The following DHRSX variants were observed in gnomAD, a reference collection of about 807,000 sequenced individuals.
The protein encoded by DHRSX is polyprenol dehydrogenase.
Under a neutral mutation model 34.0 loss-of-function variants are expected in DHRSX, and 31 were observed. That is an observed-to-expected ratio of 0.91 (90% CI 0.69 to 1.23). DHRSX has a LOEUF of 1.23. DHRSX is among the 50% of genes most tolerant of loss of function. The probability of loss-of-function intolerance (pLI) is 0.00; values close to 1 mark genes in which losing one functional copy is unlikely to be tolerated. For synonymous variants in DHRSX, 201 were observed against 183.8 expected (o/e 1.09, Z -0.76); for missense variants, 414 against 428.1 (o/e 0.97, Z 0.29).
At chrX:2,467,123 T>C (rs1280488343) in intron 1 of DHRSX, among the ~76,000 whole-genome samples, 1 of 151,466 alleles carries the variant, frequency 6.6e-6, no homozygotes, top group Non-Finnish European at 1.5e-5. Context: ...GAACATTTTA[T>C]TGAAATTTTT....
At chrX:2,296,910 CCCCAGGCAGATAGGAATAGGA>C (rs1253346578) in intron 3 of DHRSX, among the ~76,000 whole-genome samples, 17 of 44,550 alleles carry the variant, frequency 3.8e-4, no homozygotes, top group South Asian at 1.0e-3. Flanking sequence ...GGCAGATAGA[CCCCAGGCAGATAGGAATAGGA>C]CCCAGGCAGA....
At chrX:2,265,642 A>C (rs1354525833) in intron 5 of DHRSX, among the ~76,000 whole-genome samples, 1 of 117,420 alleles carries the variant, frequency 8.5e-6, no homozygotes, top group Non-Finnish European at 1.9e-5. Flanking sequence ...ACCAGTGTAC[A>C]GCAGACGCAG....
At chrX:2,248,592 G>A (rs1476609347) in intron 5 of DHRSX, among the ~76,000 whole-genome samples, 6 of 121,504 alleles carry the variant, frequency 4.9e-5, no homozygotes, top group South Asian at 2.6e-4. Context: ...CAGCCAGGGC[G>A]ACAAGAGCAA....
rs768805872 is a variant in DHRSX at position 2,371,608 on chromosome X, TTC to T, written c.286+37135_286+37136del. ...CTCCTCCCATTAGCAGAGTCCCTCC[TTC>T]TGTTACCAGTCCTTCCTCCTCCCGT... On this transcript the variant is annotated intron_variant, in intron 3 of 6. Coordinates refer to ENST00000334651, the MANE Select transcript of DHRSX (RefSeq NM_145177.3). Among the ~76,000 whole-genome samples, 277 of 149,546 alleles carry T rather than the reference TTC, an allele frequency of 1.9e-3. 1 individual carries two copies. The highest frequency in any genetic ancestry group is 6.4e-3 in the African/African-American group (260 of 40,374).
rs145116165 is a variant in DHRSX, at chrX:2,287,918, G to C, written c.388+3584C>G. ...CACAACCTATTCCCAATTTGGAAGA[G>C]TAATAACTCAAAAGATGAAAAAATG... On this transcript the variant is annotated intron_variant, in intron 4 of 6. Transcript: ENST00000334651. 7.5e-3 allele frequency among the ~76,000 whole-genome samples: 1,145 copies of C among 152,246 alleles called. 8 individuals carry two copies. The highest frequency in any genetic ancestry group is 0.026 in the African/African-American group (1,090 of 41,534).
intron 3 of DHRSX, among the ~76,000 whole-genome samples, chrX:2,315,266 T>C (rs1233836170): frequency 6.6e-6 from 1 of 152,050 alleles, no homozygotes; most frequent in Non-Finnish European, 1.5e-5. Flanking sequence ...AGCCTCATTG[T>C]GGAGGTTTGA....
At chrX:2,259,783 G>A (rs1196629596) in intron 5 of DHRSX, among the ~76,000 whole-genome samples, 18 of 147,086 alleles carry the variant, frequency 1.2e-4, no homozygotes, top group South Asian at 8.8e-4. Context: ...CTCTGCCTCC[G>A]TCTCCACGTG....
chrX:2,224,919 A>T (rs1041126080), intron 6 of DHRSX, among the ~76,000 whole-genome samples: 1 of 150,596 alleles, frequency 6.6e-6, no homozygotes, highest in African/African-American at 2.5e-5. Context: ...ACGTACACAC[A>T]CATTCACATG....
intron 3 of DHRSX, among the ~76,000 whole-genome samples, chrX:2,398,300 C>T (rs2043439749): frequency 6.6e-6 from 1 of 152,158 alleles, no homozygotes. Flanking sequence ...GGGAAACACT[C>T]GTCAGAGCAC....
intron 3 of DHRSX, among the ~76,000 whole-genome samples, chrX:2,347,677 G>A (rs1273060391): frequency 2.6e-5 from 4 of 152,152 alleles, no homozygotes; most frequent in Admixed American, 6.5e-5. Context: ...CTGAGTGAGC[G>A]AGACTCTGTC....
At chrX:2,399,725 C>CAAAAAAAAAAAACAA (rs2043461401) in intron 3 of DHRSX, among the ~76,000 whole-genome samples, 1 of 35,236 alleles carries the variant, frequency 2.8e-5, no homozygotes, top group Admixed American at 3.3e-4. Context: ...AAACAAAAAG[C>CAAAAAAAAAAAACAA]AAAAAAAAAA....
intron 6 of DHRSX, among the ~76,000 whole-genome samples, chrX:2,231,844 T>C (rs1215006441): frequency 6.9e-6 from 1 of 145,880 alleles, no homozygotes; most frequent in Non-Finnish European, 1.5e-5. Flanking sequence ...CTCTTTCTCA[T>C]TTTCTCCCTC....
At chrX:2,400,130 T>G (rs2043468327) in intron 3 of DHRSX, among the ~76,000 whole-genome samples, 1 of 152,204 alleles carries the variant, frequency 6.6e-6, no homozygotes, top group Non-Finnish European at 1.5e-5. Flanking sequence ...GGAATAAACA[T>G]AATTAATCGT....
chrX:2,287,434 T>C (rs2041816639), intron 4 of DHRSX, among the ~76,000 whole-genome samples: 1 of 150,152 alleles, frequency 6.7e-6, no homozygotes, highest in South Asian at 2.1e-4. Flanking sequence ...GAAGACAAAA[T>C]AATGGCCCTG....
In DHRSX at chrX:2,464,650, G is replaced by A. The variant is rs185220989; in HGVS notation, c.109+36167C>T. ...TTCCCTAAGTATGTGGCTAAGGGAA[G>A]GCAGCCATGTACACACTGAAGACGT... On this transcript the variant is annotated intron_variant, in intron 1 of 6. Transcript: ENST00000334651. 4.6e-5 allele frequency among the ~76,000 whole-genome samples: 7 copies of A among 151,264 alleles called. No individual in the cohort carries two copies. The East Asian group carries it at 9.9e-4, about 21-fold the overall frequency.
intron 1 of DHRSX, among the ~76,000 whole-genome samples, chrX:2,484,441 C>G (rs1282931862): frequency 2.0e-5 from 3 of 152,172 alleles, no homozygotes; most frequent in Non-Finnish European, 4.4e-5. Context: ...CAGGCAGCCG[C>G]AGCTAGGAAG....
chrX:2,234,827 C>T (rs2015976622), intron 6 of DHRSX, among the ~76,000 whole-genome samples: 1 of 152,236 alleles, frequency 6.6e-6, no homozygotes, highest in Admixed American at 6.5e-5. Flanking sequence ...TCTCCTGCCT[C>T]AGCTTCCCGA....
At chrX:2,388,805 T>C (rs1052862411) in intron 3 of DHRSX, among the ~76,000 whole-genome samples, 1 of 151,834 alleles carries the variant, frequency 6.6e-6, no homozygotes, top group Non-Finnish European at 1.5e-5. Flanking sequence ...CCTCCAGGAC[T>C]GTGGGAGAAT....
chrX:2,256,831 C>T (rs2041286309), intron 5 of DHRSX, among the ~76,000 whole-genome samples: 1 of 141,976 alleles, frequency 7.0e-6, no homozygotes, highest in African/African-American at 2.5e-5. Flanking sequence ...AAGTGGTTCT[C>T]ATATTTTAGC....
Sources: allele counts gnomAD v4.1 joint callset (sites outside exome capture counted in the v4.1 genomes callset), GRCh38; gene constraint gnomAD v4.1.1; transcripts MANE v1.5; gene names NCBI Gene and HGNC (gene_info 2026-07-23, HGNC 2026-07-21).